PKD2L1: variants seen among roughly 807,000 people sequenced by gnomAD.
PKD2L1 encodes the protein polycystin 2 like 1, transient receptor potential cation channel.
A neutral mutation model predicts 93.0 loss-of-function variants in PKD2L1; 77 were observed. That is an observed-to-expected ratio of 0.83 (90% confidence interval 0.69 to 1.00). The LOEUF (loss-of-function observed/expected upper bound fraction) is 1.00, where lower values mean the gene tolerates loss of function less well. Ranked by LOEUF, PKD2L1 falls within the 50% of genes least tolerant of loss-of-function variation. PKD2L1 has a pLI of 0.00. For synonymous variants in PKD2L1, 390 were observed against 388.0 expected (o/e 1.01, Z -0.06); for missense variants, 977 against 990.9 (o/e 0.99, Z 0.19).
At chr10:100,328,561 T>C (rs1303910122) in intron 2 of PKD2L1, among the ~76,000 whole-genome samples, 1 of 151,394 alleles carries the variant, frequency 6.6e-6, no homozygotes, top group Non-Finnish European at 1.5e-5. Flanking sequence ...CCAAACTATC[T>C]TTCCAAACAG....
chr10:100,318,224 C>T (rs563441359), intron 2 of PKD2L1, among the ~76,000 whole-genome samples: 12 of 152,290 alleles, frequency 7.9e-5, no homozygotes, highest in African/African-American at 1.2e-4. Context: ...TTGTCAATAT[C>T]CTTATAATCC....
rs1199257518 is a variant in PKD2L1 at position 100,298,812 on chromosome 10, C to A, written c.481G>T (p.Ala161Ser). 6.2e-7 allele frequency: 1 copy of A among 1,609,738 alleles called. No individual in the cohort carries two copies. The highest frequency in any genetic ancestry group is 8.5e-7 in the Non-Finnish European group (1 of 1,177,626). Residue 161 changes from alanine to serine, a missense_variant, in exon 4 of 16, where the codon GCC becomes TCC. Transcript: ENST00000318222. ...AAACTGTCCAGTAGTGGGCCCTGGG[C>A]AAACTGAACCACAAGCTGGCTTGAA... ...ISSMADFWDF[A>S]QGPLLDSLYW...
intron 1 of PKD2L1, 24 bp from the exon 2 acceptor site, chr10:100,329,348 T>C: frequency 6.2e-7 from 1 of 1,614,074 alleles, no homozygotes; most frequent in Non-Finnish European, 8.5e-7. Context: ...GAGAGATGCC[T>C]GGGATGCTCA....
Position 100,299,703 on chromosome 10 carries a change from G to T in PKD2L1, c.365C>A (p.Thr122Lys). The change falls in exon 3 of 16, where the codon ACA becomes AAA. Residue 122 changes from threonine to lysine, a missense_variant. Physicochemically the swap from Thr to Lys is moderately conservative, Grantham distance 78 (BLOSUM62 -1). Transcript: ENST00000318222. The part of the protein sequence containing the change: ...VDICLLTYGM[T>K]SSSAYYYTKV... ...GGTGTAGTAATAAGCACTGGAGCTT[G>T]TCATTCCATAGGTCACTAGAAAACA... The T allele has an allele frequency of 6.2e-7, 1 of 1,613,656 alleles. No individual in the cohort carries two copies. The highest frequency in any genetic ancestry group is 8.5e-7 in the Non-Finnish European group (1 of 1,179,528).
chr10:100,294,635 A>G lies in PKD2L1; in HGVS notation c.1559T>C (p.Ile520Thr). Residue 520 changes from isoleucine to threonine, a missense_variant, in exon 9 of 16, where the codon ATC (isoleucine) becomes ACC (threonine). Ile to Thr is a moderately conservative substitution (Grantham distance 89). Coordinates refer to ENST00000318222, the MANE Select transcript of PKD2L1 (RefSeq NM_016112.3). ...AGCATTGTAGTCAAAGTCCCCGAGG[A>G]TTATCCGGAACTGAGTGAAACTGAG... ...IKCIFTQFRI[I>T]LGDFDYNAID... 3 of 1,614,048 alleles carry G rather than the reference A, an allele frequency of 1.9e-6. No homozygotes were observed. The highest frequency in any genetic ancestry group is 2.5e-6 in the Non-Finnish European group (3 of 1,180,006).
Position 100,294,873 on chromosome 10 carries a change from A to G in PKD2L1, c.1538+69T>C, listed in dbSNP as rs953555037. On this transcript the variant is annotated intron_variant, in intron 8 of 15. Transcript: ENST00000318222. ...AGACACGCACGTACCCATCTTCCCC[A>G]AGGATACATACACCCGTGGAGCTGG... is the stretch of plus-strand genomic sequence containing the variant. 3 of 1,451,618 alleles carry G rather than the reference A, an allele frequency of 2.1e-6. No homozygotes were observed. In the Admixed American group the frequency reaches 5.8e-5, roughly 28 times the overall value. 89.9% of individuals were successfully genotyped at this position (1,451,618 alleles called of 1,614,324 possible).
chr10:100,293,158 A>C, intron 10 of PKD2L1, 89 bp from the exon 11 acceptor site: 1 of 1,586,558 alleles, frequency 6.3e-7, no homozygotes, highest in East Asian at 2.2e-5. Context: ...CCAGGCTTCC[A>C]AGGATAAATT....
Position 100,291,372 on chromosome 10 carries a change from C to G in PKD2L1, c.1936G>C (p.Asp646His). The G allele has an allele frequency of 6.2e-7, 1 of 1,614,064 alleles. No homozygotes were observed. The highest frequency in any genetic ancestry group is 8.5e-7 in the Non-Finnish European group (1 of 1,179,964). ...TELTATFTKF[D>H]RDGNRILDEK... ...TCCAGAATACGATTCCCATCTCTGTCAAACTTGGTGAAGGTGGCCGTGAGC... is the reference window on the plus strand; with the variant it reads ...TCCAGAATACGATTCCCATCTCTGTGAAACTTGGTGAAGGTGGCCGTGAGC... Residue 646 changes from aspartate (D) to histidine (H), a missense_variant, in exon 12 of 16, where the codon GAC (aspartate) becomes CAC (histidine). Coordinates refer to ENST00000318222, the MANE Select transcript of PKD2L1 (RefSeq NM_016112.3).
In PKD2L1 at chr10:100,297,536, C is replaced by T. The variant is rs140890878; in HGVS notation, c.802G>A (p.Gly268Ser). 9.3e-6 allele frequency: 15 copies of T among 1,614,148 alleles called. No individual in the cohort carries two copies. The highest frequency in any genetic ancestry group is 5.5e-5 in the South Asian group (5 of 91,076). ...HWGRLTSYSG[G>S]GYYLDLPGSR... ...CCTGGAAGGTCCAGGTAGTAGCCACCTCCGCTGTAGCTTGTGAGCCTGCCC... is the reference window on the plus strand; with the variant it reads ...CCTGGAAGGTCCAGGTAGTAGCCACTTCCGCTGTAGCTTGTGAGCCTGCCC... Residue 268 changes from glycine to serine, a missense_variant, in exon 5 of 16, where the codon GGT becomes AGT. Gly to Ser is a moderately conservative substitution (Grantham distance 56). Coordinates refer to ENST00000318222, the MANE Select transcript of PKD2L1 (RefSeq NM_016112.3).
At chr10:100,320,808 A>G (rs1372276238) in intron 2 of PKD2L1, among the ~76,000 whole-genome samples, 1 of 152,230 alleles carries the variant, frequency 6.6e-6, no homozygotes, top group Non-Finnish European at 1.5e-5. Flanking sequence ...TTATAGCACT[A>G]GTGGCATAAT....
At chr10:100,294,742 C>G in intron 8 of PKD2L1, 87 bp from the exon 9 acceptor site, 2 of 1,557,756 alleles carry the variant, frequency 1.3e-6, no homozygotes, top group South Asian at 1.1e-5. Flanking sequence ...CCTCACCACA[C>G]GTTCACCCCA....
intron 2 of PKD2L1, among the ~76,000 whole-genome samples, chr10:100,318,523 T>TC (rs1849152948): frequency 6.8e-6 from 1 of 146,894 alleles, no homozygotes; most frequent in South Asian, 2.1e-4. Context: ...TTTCTTTTCT[T>TC]TTTTTTTTTT....
chr10:100,293,330 T>G lies in PKD2L1; in HGVS notation c.1709A>C (p.Glu570Ala), dbSNP rs1287327024. The stretch of plus-strand genomic sequence containing the variant: ...CAGCTCATCCTTCTGTCCAGCCAGC[T>G]CCTCCTTGACCTCTGAATATGTGTC... ...INDTYSEVKE[E>A]LAGQKDELQL... is the part of the protein sequence containing the mutation. Residue 570 changes from glutamate to alanine, a missense_variant, in exon 10 of 16, where the codon GAG (glutamate) becomes GCG (alanine). Glu to Ala is a moderately radical substitution (Grantham distance 107). Transcript: ENST00000318222. The G allele has an allele frequency of 6.2e-7, 1 of 1,613,858 alleles. No homozygotes were observed. The highest frequency in any genetic ancestry group is 2.2e-5 in the East Asian group (1 of 44,880).
intron 2 of PKD2L1, among the ~76,000 whole-genome samples, chr10:100,316,124 A>C (rs1009187260): frequency 4.6e-5 from 7 of 152,112 alleles, no homozygotes; most frequent in Non-Finnish European, 1.0e-4. Flanking sequence ...CTGTTTGTTT[A>C]CATGTCAGCC....
chr10:100,300,753 A>G (rs2134386175), intron 2 of PKD2L1, among the ~76,000 whole-genome samples: 1 of 152,302 alleles, frequency 6.6e-6, no homozygotes, highest in South Asian at 2.1e-4. Flanking sequence ...TCAACGTAAA[A>G]TTACTGTTTT....
rs1848636759 is a variant in PKD2L1, at chr10:100,299,712, T to C, written c.356A>G (p.Tyr119Cys). ...ATAAGCACTGGAGCTTGTCATTCCA[T>C]AGGTCACTAGAAAACAACCCAAGAG... ...VFLVDICLLT[Y>C]GMTSSSAYYY... is the part of the protein sequence containing the mutation. Residue 119 changes from tyrosine (Y) to cysteine (C), a missense_variant, in exon 3 of 16, where the codon TAT becomes TGT. By Grantham distance (194) the Tyr-to-Cys change is radical. Coordinates refer to ENST00000318222, the MANE Select transcript of PKD2L1 (RefSeq NM_016112.3). 2.5e-6 allele frequency: 4 copies of C among 1,613,774 alleles called. No individual in the cohort carries two copies. The highest frequency in any genetic ancestry group is 1.7e-5 in the Admixed American group (1 of 60,022).
chr10:100,317,631 G>C (rs559278610), intron 2 of PKD2L1, among the ~76,000 whole-genome samples: 3 of 152,166 alleles, frequency 2.0e-5, no homozygotes, highest in African/African-American at 7.2e-5. Context: ...CTGTATTCTC[G>C]TATCTGCTTC....
chr10:100,315,454 G>A (rs1849081603), intron 2 of PKD2L1, among the ~76,000 whole-genome samples: 1 of 152,094 alleles, frequency 6.6e-6, no homozygotes, highest in Non-Finnish European at 1.5e-5. Context: ...AGGCCTGGGT[G>A]TGTGTTGTTC....
chr10:100,325,205 G>T (rs1436761834), intron 2 of PKD2L1, among the ~76,000 whole-genome samples: 1 of 152,198 alleles, frequency 6.6e-6, no homozygotes, highest in Non-Finnish European at 1.5e-5. Flanking sequence ...AAAAGCCATT[G>T]TAATACCTAA....
Sources: gnomAD v4.1 joint callset for allele counts (sites outside exome capture counted in the v4.1 genomes callset) on GRCh38, gnomAD v4.1.1 for gene constraint, MANE v1.5 for transcripts, NCBI Gene and HGNC (gene_info 2026-07-23, HGNC 2026-07-21) for gene names.